Variants in DAB1 observed in about 807,000 individuals in gnomAD.
The protein encoded by DAB1 is disabled homolog 1.
A neutral mutation model predicts 64.6 loss-of-function variants in DAB1; 15 were observed. The observed-to-expected ratio is 0.23, with a 90% CI of 0.16 to 0.36. DAB1 has a LOEUF of 0.36. Among genes scored for constraint, DAB1 ranks in the 10% least tolerant of loss-of-function variants. The pLI is 1.00. For missense variants in DAB1, 596 were observed against 706.7 expected, an observed-to-expected ratio of 0.84 and a Z score of 1.78; for synonymous variants, 235 against 251.9, an observed-to-expected ratio of 0.93 and a Z score of 0.64.
intron 12 of DAB1, among the ~76,000 whole-genome samples, chr1:57,014,224 T>A (rs1253416178): frequency 6.6e-6 from 1 of 152,234 alleles, no homozygotes; most frequent in African/African-American, 2.4e-5. Context: ...CAGTAATAAA[T>A]CTGATCTCCA....
chr1:58,173,217 C>T (rs1656274612), intron 4 of DAB1, among the ~76,000 whole-genome samples: 1 of 152,196 alleles, frequency 6.6e-6, no homozygotes, highest in Admixed American at 6.5e-5. Context: ...ATAGTTTTCT[C>T]CCCTTGGGGT....
intron 1 of DAB1, chr1:58,530,880 T>C (rs1646424768): frequency 1.7e-6 from 1 of 577,064 alleles, no homozygotes; most frequent in African/African-American, 1.9e-5. Context: ...TCTTTCCGGG[T>C]CTGTTTTTCC....
chr1:58,132,355 G>A (rs1277121547), intron 5 of DAB1, among the ~76,000 whole-genome samples: 1 of 151,930 alleles, frequency 6.6e-6, no homozygotes, highest in African/African-American at 2.4e-5. Context: ...TGCGCCCACT[G>A]TCTGGCACTC....
At chr1:57,681,432 T>A (rs1471256214) in intron 6 of DAB1, among the ~76,000 whole-genome samples, 1 of 152,156 alleles carries the variant, frequency 6.6e-6, no homozygotes, top group East Asian at 1.9e-4. Flanking sequence ...TATCTTTTTG[T>A]TGGGGGTGGG....
chr1:58,292,076 C>A (rs983116657), intron 4 of DAB1, among the ~76,000 whole-genome samples: 21 of 152,096 alleles, frequency 1.4e-4, no homozygotes, highest in Non-Finnish European at 2.8e-4. Context: ...TGACTCAGTG[C>A]TTGATTGGGG....
intron 1 of DAB1, among the ~76,000 whole-genome samples, chr1:57,847,183 C>T (rs892750964): frequency 2.0e-5 from 3 of 152,008 alleles, no homozygotes; most frequent in Admixed American, 6.6e-5. Context: ...GCCTACCTAC[C>T]ATTACACTTC....
intron 1 of DAB1, among the ~76,000 whole-genome samples, chr1:57,314,376 CAG>C (rs1675003907): frequency 6.6e-6 from 1 of 152,170 alleles, no homozygotes; most frequent in Non-Finnish European, 1.5e-5. Context: ...GAGCTGTGGC[CAG>C]AGTTTTGGGA....
chr1:57,218,171 C>T (rs1569932161), intron 2 of DAB1, among the ~76,000 whole-genome samples: 1 of 152,040 alleles, frequency 6.6e-6, no homozygotes, highest in African/African-American at 2.4e-5. Flanking sequence ...TTGGGAAAGC[C>T]GTGGAAGGCA....
intron 1 of DAB1, among the ~76,000 whole-genome samples, chr1:57,883,662 T>A (rs1377530536): frequency 6.6e-6 from 1 of 152,230 alleles, no homozygotes; most frequent in Non-Finnish European, 1.5e-5. Context: ...TCTGTTTCTG[T>A]GAACATTTCT....
intron 5 of DAB1, among the ~76,000 whole-genome samples, chr1:57,932,187 A>T (rs1047083313): frequency 1.3e-5 from 2 of 152,144 alleles, no homozygotes; most frequent in Admixed American, 1.3e-4. Flanking sequence ...CTGTGTTCTG[A>T]GAGCAGATAT....
At position 57,198,649 on chromosome 1, in the gene DAB1, T is replaced by TCACACACA. The variant is rs57872654; in HGVS notation, c.68-53228_68-53221dup. 2.9e-3 allele frequency among the ~76,000 whole-genome samples: 375 copies of TCACACACA among 128,304 alleles called. 3 individuals are homozygous for TCACACACA. Among genetic ancestry groups the TCACACACA allele is most frequent in the East Asian group, 0.012 (53 of 4,478 alleles). 84.2% of individuals were successfully genotyped at this position (128,304 alleles called of 152,430 possible). ...CCTCCCTCCCTGCATCTTCTCTCTCTCACACACACACACACACACACACAC... is the reference window on the plus strand; with the variant it reads ...CCTCCCTCCCTGCATCTTCTCTCTCTCACACACACACACACACACACACACACACACAC... On this transcript the variant is annotated intron_variant, in intron 2 of 14. Transcript: ENST00000371236.
At chr1:57,398,248 G>A (rs1404939535) in intron 1 of DAB1, among the ~76,000 whole-genome samples, 1 of 152,156 alleles carries the variant, frequency 6.6e-6, no homozygotes, top group Non-Finnish European at 1.5e-5. Context: ...ATCTTAGGGA[G>A]GTGACAACAT....
intron 5 of DAB1, among the ~76,000 whole-genome samples, chr1:58,130,962 C>A (rs1246406592): frequency 2.7e-5 from 4 of 145,526 alleles, no homozygotes; most frequent in Non-Finnish European, 6.0e-5. Flanking sequence ...CGAGGAGTAT[C>A]TTTGTGGCGT....
Position 58,127,112 on chromosome 1 carries a change from C to T in DAB1, n.387+23399G>A, listed in dbSNP as rs377187994. Among the ~76,000 whole-genome samples the T allele has an allele frequency of 4.6e-5, 7 of 151,322 alleles. No individual in the cohort carries two copies. The East Asian group carries it at 1.2e-3, about 26-fold the overall frequency. On this transcript the variant is annotated intron_variant and non_coding_transcript_variant, in intron 5 of 20. Transcript: ENST00000485760. Reference sequence around the variant, plus strand: ...TGTTCCTATTTTTCCACATCCTCTCCAGCACCTGTTGTTTCCTGACTTTTT... The same window carrying T: ...TGTTCCTATTTTTCCACATCCTCTCTAGCACCTGTTGTTTCCTGACTTTTT...
intron 1 of DAB1, among the ~76,000 whole-genome samples, chr1:57,323,031 T>C (rs1251004674): frequency 9.2e-6 from 1 of 109,158 alleles, no homozygotes; most frequent in East Asian, 3.0e-4. Context: ...TCTGTAGGTC[T>C]CAGGAGAGTT....
chr1:57,927,781 T>C (rs996329689), intron 5 of DAB1, among the ~76,000 whole-genome samples: 9 of 152,206 alleles, frequency 5.9e-5, no homozygotes, highest in African/African-American at 2.2e-4. Flanking sequence ...TCTCTTTGTT[T>C]AGAAGGCTAC....
intron 2 of DAB1, among the ~76,000 whole-genome samples, chr1:57,171,534 C>T (rs779434901): frequency 1.2e-4 from 19 of 152,108 alleles, no homozygotes; most frequent in Admixed American, 1.0e-3. Context: ...ACAAGAATGG[C>T]GACATGTTTA....
chr1:57,071,004 G>T lies in DAB1; in HGVS notation c.597+19C>A. The T allele has an allele frequency of 6.2e-7, 1 of 1,606,064 alleles. No individual in the cohort carries two copies. Among genetic ancestry groups the T allele is most frequent in the South Asian group, 1.1e-5 (1 of 90,902 alleles). Reference sequence around the variant, plus strand: ...TAGTCACTCTTGAATCTAAAACCCCGACTAGTTTCAGAAATTACCTGGTAC... The same window carrying T: ...TAGTCACTCTTGAATCTAAAACCCCTACTAGTTTCAGAAATTACCTGGTAC... On this transcript the variant is annotated intron_variant, in intron 7 of 14. Transcript: ENST00000371236.
At chr1:57,601,596 ATAAT>A (rs894114173) in intron 7 of DAB1, among the ~76,000 whole-genome samples, 4 of 152,110 alleles carry the variant, frequency 2.6e-5, no homozygotes, top group Non-Finnish European at 5.9e-5. Context: ...CCTTTTCAAA[ATAAT>A]TAATTAGTTA....
Sources: gnomAD v4.1 joint callset for allele counts (sites outside exome capture counted in the v4.1 genomes callset) on GRCh38, gnomAD v4.1.1 for gene constraint, MANE v1.5 for transcripts, NCBI Gene and HGNC (gene_info 2026-07-23, HGNC 2026-07-21) for gene names.